ATAD2B: variants seen among roughly 807,000 people sequenced by gnomAD.
ATAD2B encodes the protein ATPase family AAA domain containing 2B.
Under a neutral mutation model 167.6 loss-of-function variants are expected in ATAD2B, and 40 were observed. The observed-to-expected ratio is 0.24, with a 90% confidence interval of 0.19 to 0.31. ATAD2B has a LOEUF of 0.31. Among genes scored for constraint, ATAD2B ranks in the 10% least tolerant of loss-of-function variants. The pLI, the probability that ATAD2B is intolerant of heterozygous loss-of-function variation, is 1.00. For synonymous variants in ATAD2B, 579 were observed against 596.5 expected (o/e 0.97, Z 0.43); for missense variants, 1,242 against 1,757.2 (o/e 0.71, Z 5.24).
At chr2:23,867,788 AC>A (rs1488432424) in intron 10 of ATAD2B, 46 bp downstream of exon 10, 1 of 1,369,710 alleles carries the variant, frequency 7.3e-7, no homozygotes, top group Non-Finnish European at 1.0e-6. Flanking sequence ...CAAGAAAAAA[AC>A]TTTTAAAAAA....
the ATAD2B span, chr2:23,696,145 C>T: frequency 2.4e-5 from 37 of 1,548,934 alleles, no homozygotes; most frequent in Admixed American, 1.2e-4. This position sits in a 1 kb window ranked among gnomAD's most constrained non-coding sequence, Gnocchi z 5.5. Context: ...TGAGGCCCCC[C>T]GGGGTTGGGG....
Position 23,872,603 on chromosome 2 carries a change from ATGT to A in ATAD2B, c.978-2845_978-2843del, listed in dbSNP as rs549935971. On this transcript the variant is annotated intron_variant, in intron 8 of 27. Coordinates refer to ENST00000238789, the MANE Select transcript of ATAD2B (RefSeq NM_017552.4). ...GTCTGCATGCCTGCGATCCTTACTA[ATGT>A]TGCTGTAGAAAGGATGGTCAGGCTC... 42 of 1,300,828 alleles carry A rather than the reference ATGT, an allele frequency of 3.2e-5. No individual in the cohort carries two copies. In the South Asian group the frequency reaches 4.4e-4, roughly 14 times the overall value. The allele number at this position is 1,300,828 out of a possible 1,614,324, so 80.6% of individuals were successfully genotyped here.
chr2:23,682,448 C>A, the ATAD2B span, among the ~76,000 whole-genome samples: 1 of 152,188 alleles, frequency 6.6e-6, no homozygotes, highest in Non-Finnish European at 1.5e-5. The surrounding 1 kb of genome is among the most constrained non-coding windows in gnomAD (Gnocchi z 4.1). Flanking sequence ...CTCCCATTGG[C>A]CTCCCAAGCC....
At chr2:23,678,349 A>G in the ATAD2B span, among the ~76,000 whole-genome samples, 1 of 152,216 alleles carries the variant, frequency 6.6e-6, no homozygotes, top group Non-Finnish European at 1.5e-5. Context: ...TATCTGGTCC[A>G]TAACTCGGGG....
chr2:23,893,137 A>T (rs577413369), intron 2 of ATAD2B, among the ~76,000 whole-genome samples: 5 of 152,324 alleles, frequency 3.3e-5, no homozygotes, highest in African/African-American at 1.2e-4. Flanking sequence ...ACTTAGGAAG[A>T]TTCAGAAGTT....
chr2:23,741,779 G>C, the ATAD2B span, among the ~76,000 whole-genome samples: 15 of 152,056 alleles, frequency 9.9e-5, no homozygotes, highest in African/African-American at 1.7e-4. Flanking sequence ...CTACAGAATG[G>C]GAGAAAATTT....
At chr2:23,800,403 T>C (rs1683297562) in intron 18 of ATAD2B, among the ~76,000 whole-genome samples, 1 of 152,186 alleles carries the variant, frequency 6.6e-6, no homozygotes, top group Non-Finnish European at 1.5e-5. Context: ...TCCAGGAACA[T>C]GTGTTGAGAA....
intron 8 of ATAD2B, chr2:23,872,517 C>G (rs1307139258): frequency 1.2e-6 from 1 of 841,500 alleles, no homozygotes; most frequent in African/African-American, 1.7e-5. Context: ...TCCAAAACGG[C>G]AGAGCTCTGG....
intron 19 of ATAD2B, among the ~76,000 whole-genome samples, chr2:23,797,339 C>G (rs1331689250): frequency 6.6e-6 from 1 of 152,052 alleles, no homozygotes; most frequent in Non-Finnish European, 1.5e-5. Context: ...GTAAGATGAT[C>G]TACTATTTTT....
In ATAD2B at chr2:23,785,475, T is replaced by C. The variant is rs570533795; in HGVS notation, c.2973+552A>G. On this transcript the variant is annotated intron_variant, in intron 21 of 27. Coordinates refer to ENST00000238789, the MANE Select transcript of ATAD2B (RefSeq NM_017552.4). ...CCACAAGCACACAAAATAATACACA[T>C]ATAAAGTGAGAAATTTTCCACTGGG... Among the ~76,000 whole-genome samples the C allele has an allele frequency of 5.9e-5, 9 of 152,110 alleles. No homozygotes were observed. In the South Asian group the frequency reaches 1.9e-3, roughly 32 times the overall value.
the ATAD2B span, among the ~76,000 whole-genome samples, chr2:23,711,338 C>A: frequency 2.2e-5 from 1 of 45,622 alleles, no homozygotes; most frequent in African/African-American, 8.8e-5. Context: ...CACAGAATTT[C>A]TTTCTTTTTT....
intron 13 of ATAD2B, among the ~76,000 whole-genome samples, chr2:23,837,436 GC>G (rs1164891182): frequency 6.6e-6 from 1 of 152,184 alleles, no homozygotes; most frequent in Non-Finnish European, 1.5e-5. Context: ...CTGCACCCAG[GC>G]CCCCGCAAGA....
rs1675752595 is a variant in ATAD2B at position 23,754,715 on chromosome 2, G to A, written c.4138C>T (p.Leu1380=). The A allele has an allele frequency of 6.2e-7, 1 of 1,613,002 alleles. No individual in the cohort carries two copies. Among genetic ancestry groups the A allele is most frequent in the African/African-American group, 1.3e-5 (1 of 74,948 alleles). The change falls in exon 26 of 28, where the codon CTG becomes TTG. Residue 1380 remains leucine, a synonymous_variant. Transcript: ENST00000238789. The part of the protein sequence containing the change: ...LILEQAKTTS[L]ELVPEEPSEP... The stretch of plus-strand genomic sequence containing the variant: ...GATGGCTCTTCTGGAACCAGTTCCA[G>A]GCTTGTCGTTTTTGCCTGCTCTAAA...
the ATAD2B span, chr2:23,691,803 C>G: frequency 6.4e-7 from 1 of 1,551,534 alleles, no homozygotes; most frequent in African/African-American, 1.4e-5. Context: ...ACTCGGCCAA[C>G]GCCAAGACAC....
chr2:23,779,174 CTTTTTTT>C (rs35835747), intron 22 of ATAD2B, among the ~76,000 whole-genome samples: 2 of 97,398 alleles, frequency 2.1e-5, no homozygotes. Flanking sequence ...TTTTTCTTTT[CTTTTTTT>C]TTTTTTTTTT....
At position 23,869,774 on chromosome 2, in the gene ATAD2B, A is replaced by G. The variant is rs1695645612; in HGVS notation, c.978-13T>C. On this transcript the variant is annotated splice_polypyrimidine_tract_variant and intron_variant, in intron 8 of 27. Coordinates refer to ENST00000238789, the MANE Select transcript of ATAD2B (RefSeq NM_017552.4). ...ATGCTTCTTTCTCCTATTTAAAGAG[A>G]GTAAAATCCTTAAAACCATTATAAT... 2.0e-6 allele frequency: 3 copies of G among 1,523,068 alleles called. No homozygotes were observed. The highest frequency in any genetic ancestry group is 4.0e-5 in the Admixed American group (2 of 50,254). The allele number at this position is 1,523,068 out of a possible 1,614,324, so 94.3% of individuals were successfully genotyped here. A position where few individuals can be genotyped will look rare whatever the true frequency, so the allele number is the denominator to read the frequency against.
chr2:23,705,978 C>A, the ATAD2B span, among the ~76,000 whole-genome samples: 1 of 152,180 alleles, frequency 6.6e-6, no homozygotes, highest in Non-Finnish European at 1.5e-5. Flanking sequence ...CCGGCCCTTG[C>A]AATCCTGGGT....
At chr2:23,876,899 C>A (rs1696931869) in intron 7 of ATAD2B, among the ~76,000 whole-genome samples, 1 of 151,596 alleles carries the variant, frequency 6.6e-6, no homozygotes, top group Non-Finnish European at 1.5e-5. Flanking sequence ...GAAACCCTGT[C>A]TCTACTAAAA....
intron 1 of ATAD2B, among the ~76,000 whole-genome samples, chr2:23,919,342 T>C (rs13431937): frequency 0.013 from 1,888 of 149,908 alleles, 35 homozygotes; most frequent in African/African-American, 0.044. Flanking sequence ...AGCCCAGGAG[T>C]TCAAGACCAG....
Sources: gnomAD v4.1 joint callset for allele counts (sites outside exome capture counted in the v4.1 genomes callset) on GRCh38, gnomAD v4.1.1 for gene constraint, Gnocchi (gnomAD v3.1) non-coding constraint, MANE v1.5 for transcripts, NCBI Gene and HGNC (gene_info 2026-07-23, HGNC 2026-07-21) for gene names.